AMZ2: variants seen among roughly 807,000 people sequenced by gnomAD.
AMZ2 encodes archaemetzincin-2.
AMZ2 carries 26 observed loss-of-function variants against 36.7 expected under a neutral mutation model. That is an observed-to-expected ratio of 0.71 (90% confidence interval 0.52 to 0.98). The LOEUF is 0.98. Ranked by LOEUF, AMZ2 falls within the 50% of genes least tolerant of loss-of-function variation. AMZ2 has a pLI of 0.00. For synonymous variants in AMZ2, 144 were observed against 149.1 expected (o/e 0.97, Z 0.25); for missense variants, 394 against 430.5 (o/e 0.92, Z 0.75).
In AMZ2 at chr17:68,217,460, C is replaced by G. The variant is rs1226170335; in HGVS notation, c.-67+11222C>G. Among the ~76,000 whole-genome samples, 4 of 152,158 alleles carry G rather than the reference C, an allele frequency of 2.6e-5. No homozygotes were observed. The East Asian group carries it at 7.7e-4, about 29-fold the overall frequency. On this transcript the variant is annotated intron_variant, in intron 1 of 7. Coordinates refer to the AMZ2 transcript ENST00000674770. ...GCAAATAGGATTATCTTTTTCCATG[C>G]TGTGATATCTTGAGTATTTTTCTAT...
chr17:68,246,940 G>C (rs2074040179), upstream of AMZ2: 1 of 152,220 alleles, frequency 6.6e-6, no homozygotes, highest in South Asian at 2.1e-4. Flanking sequence ...CGTGGCTCAC[G>C]CCTGTAATTC....
intron 1 of AMZ2, among the ~76,000 whole-genome samples, chr17:68,212,143 G>C (rs2073084263): frequency 6.6e-6 from 1 of 152,100 alleles, no homozygotes; most frequent in African/African-American, 2.4e-5. Flanking sequence ...GGCCAAGGTG[G>C]GTGGATCACT....
intron 1 of AMZ2, among the ~76,000 whole-genome samples, chr17:68,217,597 T>C (rs1464142649): frequency 6.6e-6 from 1 of 152,208 alleles, no homozygotes; most frequent in African/African-American, 2.4e-5. Flanking sequence ...TTAAAGTAAT[T>C]TCAGTTTAAC....
intron 1 of AMZ2, among the ~76,000 whole-genome samples, chr17:68,242,190 G>T (rs1555734160): frequency 6.6e-6 from 1 of 152,112 alleles, no homozygotes; most frequent in Non-Finnish European, 1.5e-5. Context: ...CAGCTGAAAG[G>T]GTAGGCGGAA....
chr17:68,235,996 A>AT lies in AMZ2; in HGVS notation c.-66-12639dup, dbSNP rs1243807533. ...AGGTGCCCGCCAGCATGCCTGGCTAATTTTTGTATTTTTAGTACAGATGGG... is the reference window on the plus strand; with the variant it reads ...AGGTGCCCGCCAGCATGCCTGGCTAATTTTTTGTATTTTTAGTACAGATGGG... On this transcript the variant is annotated intron_variant, in intron 1 of 7. Transcript: ENST00000674770. This position sits in a 1 kb window ranked among gnomAD's most constrained non-coding sequence, Gnocchi z 4.2. 1.6e-4 allele frequency among the ~76,000 whole-genome samples: 25 copies of AT among 152,070 alleles called. 1 individual carries two copies. Among genetic ancestry groups the AT allele is most frequent in the African/African-American group, 6.0e-4 (25 of 41,492 alleles).
intron 1 of AMZ2, among the ~76,000 whole-genome samples, chr17:68,212,594 T>C (rs1169739331): frequency 6.6e-6 from 1 of 152,066 alleles, no homozygotes; most frequent in African/African-American, 2.4e-5. Flanking sequence ...TCAGGGTCTC[T>C]TTCACCCTGT....
At chr17:68,210,940 C>A (rs1391124418) in intron 1 of AMZ2, among the ~76,000 whole-genome samples, 1 of 124,498 alleles carries the variant, frequency 8.0e-6, no homozygotes, top group Non-Finnish European at 1.6e-5. Flanking sequence ...CAGAGTGAGA[C>A]CCTGTCTCAA....
chr17:68,221,357 G>T (rs1483348533), intron 1 of AMZ2, among the ~76,000 whole-genome samples: 2 of 152,044 alleles, frequency 1.3e-5, no homozygotes, highest in Non-Finnish European at 2.9e-5. Flanking sequence ...TTGGGCTGGG[G>T]CTTTAAAGAT....
chr17:68,220,315 G>C (rs2073313830), intron 1 of AMZ2, among the ~76,000 whole-genome samples: 1 of 110,158 alleles, frequency 9.1e-6, no homozygotes. Flanking sequence ...GACCTGCAAA[G>C]ACTATGCCTC....
intron 4 of AMZ2, among the ~76,000 whole-genome samples, chr17:68,253,588 G>A (rs1272228627): frequency 3.3e-5 from 5 of 152,248 alleles, no homozygotes; most frequent in East Asian, 1.9e-4. Flanking sequence ...AGGGGACGAG[G>A]TTATTCTGTC....
At chr17:68,210,602 G>C (rs2073014449) in intron 1 of AMZ2, among the ~76,000 whole-genome samples, 1 of 152,122 alleles carries the variant, frequency 6.6e-6, no homozygotes, top group Admixed American at 6.5e-5. Context: ...TCTGGAGATT[G>C]GTTGTACAAC....
In AMZ2 at chr17:68,231,565, T is replaced by C. The variant is rs1276458967; in HGVS notation, c.-66-17075T>C. ...TTAAAGAGAATTTTTCTGCAAGTCT[T>C]CTCCCATTATATGCCCTCATGTGTG... On this transcript the variant is annotated intron_variant, in intron 1 of 7. Transcript: ENST00000674770. Among the ~76,000 whole-genome samples the C allele has an allele frequency of 1.1e-3, 66 of 59,904 alleles. 19 individuals are homozygous for C. The Admixed American group carries it at 0.012, about 11-fold the overall frequency. The allele number at this position is 59,904 out of a possible 152,430, so 39.3% of individuals were successfully genotyped here. A position where few individuals can be genotyped will look rare whatever the true frequency, so the allele number is the denominator to read the frequency against.
Position 68,206,391 on chromosome 17 carries a change from A to G in AMZ2, c.-67+153A>G, listed in dbSNP as rs73995300. ...AAATGCGAGGGCACATCAAGTGGCA[A>G]AAAACTAGATTTACAAGAGGAAAGA... On this transcript the variant is annotated intron_variant, in intron 1 of 7. Coordinates refer to the AMZ2 transcript ENST00000674770. 1,685 of 758,718 alleles carry G rather than the reference A, an allele frequency of 2.2e-3. 20 individuals carry two copies. The African/African-American group carries it at 0.03, about 14-fold the overall frequency. The allele number at this position is 758,718 out of a possible 1,614,324, so 47.0% of individuals were successfully genotyped here. A position where few individuals can be genotyped will look rare whatever the true frequency, so the allele number is the denominator to read the frequency against.
At position 68,238,536 on chromosome 17, in the gene AMZ2, G is replaced by A. The variant is rs79182985; in HGVS notation, c.-66-10104G>A. ...ACTTTACTGTATTTATATGCCATAT[G>A]TATATATATATAGAGAGAAAGAGTG... On this transcript the variant is annotated intron_variant, in intron 1 of 7. Coordinates refer to the AMZ2 transcript ENST00000674770. Among the ~76,000 whole-genome samples, 167 of 93,868 alleles carry A rather than the reference G, an allele frequency of 1.8e-3. 1 individual carries two copies. The highest frequency in any genetic ancestry group is 0.01 in the South Asian group (25 of 2,386). 61.6% of individuals were successfully genotyped at this position (93,868 alleles called of 152,430 possible).
chr17:68,215,400 T>C (rs1229888652), intron 1 of AMZ2, among the ~76,000 whole-genome samples: 1 of 134,764 alleles, frequency 7.4e-6, no homozygotes, highest in Non-Finnish European at 1.6e-5. Flanking sequence ...TTCCAAATGG[T>C]GAAATAACTG....
At chr17:68,216,254 C>A (rs2073189972) in intron 1 of AMZ2, among the ~76,000 whole-genome samples, 1 of 152,240 alleles carries the variant, frequency 6.6e-6, no homozygotes, top group East Asian at 1.9e-4. Flanking sequence ...TCACCTCAGC[C>A]CCCCTAGGAG....
chr17:68,207,890 C>A (rs1486958012), intron 1 of AMZ2, among the ~76,000 whole-genome samples: 5 of 151,128 alleles, frequency 3.3e-5, no homozygotes, highest in African/African-American at 1.2e-4. Flanking sequence ...GGGCTGCGAG[C>A]GGTGCTTGCG....
intron 4 of AMZ2, chr17:68,251,426 T>G (rs2074463736): frequency 7.9e-6 from 3 of 381,430 alleles, no homozygotes; most frequent in Non-Finnish European, 9.5e-6. Flanking sequence ...TGGAGATAAT[T>G]TACATAAAAG....
chr17:68,252,875 A>G (rs1433658085), intron 4 of AMZ2, among the ~76,000 whole-genome samples: 1 of 152,210 alleles, frequency 6.6e-6, no homozygotes, highest in Non-Finnish European at 1.5e-5. Context: ...TTGCTAGCTA[A>G]CTTATCTTAT....
Sources: gnomAD v4.1 joint callset for allele counts (sites outside exome capture counted in the v4.1 genomes callset) on GRCh38, gnomAD v4.1.1 for gene constraint, Gnocchi (gnomAD v3.1) non-coding constraint, MANE v1.5 for transcripts, NCBI Gene and HGNC (gene_info 2026-07-23, HGNC 2026-07-21) for gene names.